The following MPRIP variants were observed in gnomAD, a reference collection of about 807,000 sequenced individuals.
MPRIP encodes myosin phosphatase Rho-interacting protein.
In MPRIP, 59 loss-of-function variants were observed where a neutral mutation model predicts 234.9. The ratio of observed to expected loss-of-function variants is 0.25; its 90% CI spans 0.20 to 0.31. The LOEUF (loss-of-function observed/expected upper bound fraction) is 0.31, where lower values mean the gene tolerates loss of function less well. Ranked by LOEUF, MPRIP falls within the 10% of genes least tolerant of loss-of-function variation. The pLI, the probability that MPRIP is intolerant of heterozygous loss-of-function variation, is 1.00. For synonymous variants in MPRIP, 1,144 were observed against 1,263.9 expected (o/e 0.91, Z 2.01); for missense variants, 2,436 against 3,071.0 (o/e 0.79, Z 4.89).
At chr17:17,154,263 C>T in intron 12 of MPRIP, 43 bp from the exon 13 acceptor site, 2 of 1,572,532 alleles carry the variant, frequency 1.3e-6, no homozygotes, top group East Asian at 2.2e-5. Context: ...CAGCAGGCAC[C>T]CTAGGGGACA....
At chr17:17,050,550 C>T (rs2088506853) in intron 1 of MPRIP, among the ~76,000 whole-genome samples, 1 of 152,196 alleles carries the variant, frequency 6.6e-6, no homozygotes, top group African/African-American at 2.4e-5. Context: ...GGTGAGTTTC[C>T]TCCGTCCCTC....
chr17:17,154,070 AGATACCG>A (rs5819601), intron 12 of MPRIP, among the ~76,000 whole-genome samples: 110,676 of 151,458 alleles, frequency 0.73, 40,849 homozygotes, highest in East Asian at 0.99. Flanking sequence ...TACTGAGAGA[AGATACCG>A]GATTTACCAT....
intron 19 of MPRIP, 123 bp downstream of exon 19, chr17:17,174,198 C>A (rs2046205848): frequency 1.6e-6 from 2 of 1,224,972 alleles, no homozygotes; most frequent in Non-Finnish European, 1.1e-6. Flanking sequence ...GCATGAAGGT[C>A]CCTGAACCAC....
At chr17:17,136,653 C>T (rs1378146676) in intron 6 of MPRIP, among the ~76,000 whole-genome samples, 1 of 152,236 alleles carries the variant, frequency 6.6e-6, no homozygotes, top group African/African-American at 2.4e-5. Flanking sequence ...CCCCTTCTAG[C>T]TCTTAAATCC....
At chr17:17,061,858 C>T (rs1007720240) in intron 1 of MPRIP, among the ~76,000 whole-genome samples, 1 of 152,124 alleles carries the variant, frequency 6.6e-6, no homozygotes, top group African/African-American at 2.4e-5. Flanking sequence ...TGGAGCACTC[C>T]CGTGAACACT....
At chr17:17,112,679 G>C (rs941096683) in intron 3 of MPRIP, among the ~76,000 whole-genome samples, 2 of 152,232 alleles carry the variant, frequency 1.3e-5, no homozygotes, top group Non-Finnish European at 2.9e-5. Context: ...TTTAAGGGGA[G>C]CCCAGCTCTG....
At chr17:17,103,472 G>A (rs1190153117) in intron 3 of MPRIP, among the ~76,000 whole-genome samples, 7 of 152,192 alleles carry the variant, frequency 4.6e-5, no homozygotes, top group Non-Finnish European at 1.0e-4. Flanking sequence ...CTCACCTTGT[G>A]CTTTGATCCT....
chr17:17,143,792 C>T lies in MPRIP; in HGVS notation c.1503+123C>T, dbSNP rs571127429. On this transcript the variant is annotated intron_variant, in intron 9 of 23. Coordinates refer to ENST00000651222, the MANE Select transcript of MPRIP (RefSeq NM_001364716.4). ...CCCTCTGTGCACAGGCCCTCGTGTC[C>T]GTGAGCACCCCCACCCACCGACCCA... is the stretch of plus-strand genomic sequence containing the variant. 3.6e-5 allele frequency: 18 copies of T among 506,908 alleles called. 1 individual carries two copies. Among genetic ancestry groups the T allele is most frequent in the South Asian group, 1.2e-4 (3 of 25,762 alleles). 31.4% of individuals were successfully genotyped at this position (506,908 alleles called of 1,614,324 possible).
chr17:17,148,127 C>T (rs1192404110), intron 11 of MPRIP, among the ~76,000 whole-genome samples: 1 of 152,146 alleles, frequency 6.6e-6, no homozygotes, highest in Non-Finnish European at 1.5e-5. Context: ...ATACTCTGAG[C>T]CAGTCTTTAC....
intron 3 of MPRIP, among the ~76,000 whole-genome samples, chr17:17,095,840 T>C (rs539104572): frequency 6.6e-6 from 1 of 152,282 alleles, no homozygotes; most frequent in South Asian, 2.1e-4. Context: ...TCTGCAGCAG[T>C]GCCAGCCTGC....
At chr17:17,153,827 C>A (rs1175049840) in intron 12 of MPRIP, among the ~76,000 whole-genome samples, 3 of 152,106 alleles carry the variant, frequency 2.0e-5, no homozygotes, top group Non-Finnish European at 4.4e-5. Context: ...TGTTCTTAAC[C>A]ACTCCCTGGG....
chr17:17,062,279 C>T (rs914720499), intron 1 of MPRIP, among the ~76,000 whole-genome samples: 4 of 152,284 alleles, frequency 2.6e-5, no homozygotes, highest in East Asian at 3.9e-4. Context: ...AGAAGTCCTG[C>T]GTGCTCGGTC....
intron 3 of MPRIP, among the ~76,000 whole-genome samples, chr17:17,103,168 A>T (rs1027029993): frequency 6.6e-6 from 1 of 152,220 alleles, no homozygotes; most frequent in Non-Finnish European, 1.5e-5. Flanking sequence ...GCAGCCACAG[A>T]TTAAGTCACT....
chr17:17,114,718 A>T (rs2090248753), intron 3 of MPRIP, among the ~76,000 whole-genome samples: 1 of 145,708 alleles, frequency 6.9e-6, no homozygotes, highest in South Asian at 2.4e-4. Context: ...CCGCCCACCC[A>T]CCACCAGTTT....
chr17:17,092,456 A>G (rs982893679), intron 3 of MPRIP, among the ~76,000 whole-genome samples: 3 of 152,114 alleles, frequency 2.0e-5, no homozygotes, highest in East Asian at 1.9e-4. Flanking sequence ...AGGTAGGTGG[A>G]CACTTCTAAT....
chr17:17,093,845 A>T (rs1386391568), intron 3 of MPRIP, among the ~76,000 whole-genome samples: 1 of 152,178 alleles, frequency 6.6e-6, no homozygotes, highest in Non-Finnish European at 1.5e-5. Context: ...TTTAGAAGAT[A>T]TTATCTATTG....
chr17:17,158,931 G>T lies in MPRIP; in HGVS notation c.2329G>T (p.Val777Phe), dbSNP rs531558875. ...AGAGAAGCAGGTGCCCATCGCCCCC[G>T]TCCACCTGTCTTCTGAAGATGGGGG... ...REEKQVPIAPVHLSSEDGGDR... is the reference protein window; with the variant it reads ...REEKQVPIAPFHLSSEDGGDR... Residue 777 changes from valine to phenylalanine, a missense_variant, in exon 14 of 24, where the codon GTC becomes TTC. Physicochemically the swap from Val to Phe is conservative, Grantham distance 50 (BLOSUM62 -1). This residue lies in a region of MPRIP where 1,998 missense variants were observed against 2,520.3 expected (regional missense o/e 0.79). Transcript: ENST00000651222. 6.2e-7 allele frequency: 1 copy of T among 1,612,668 alleles called. No individual in the cohort carries two copies. The highest frequency in any genetic ancestry group is 1.7e-5 in the Admixed American group (1 of 60,006).
chr17:17,162,038 A>G (rs1227016187), intron 15 of MPRIP, among the ~76,000 whole-genome samples: 2 of 152,244 alleles, frequency 1.3e-5, no homozygotes, highest in Non-Finnish European at 2.9e-5. Context: ...TAAAACAGAT[A>G]TACTCTTGTC....
At chr17:17,077,785 G>A in intron 2 of MPRIP, 2 of 459,886 alleles carry the variant, frequency 4.3e-6, no homozygotes, top group South Asian at 2.9e-5. Context: ...TTCTTATTAA[G>A]CCTCAATCAC....
Sources: allele counts gnomAD v4.1 joint callset (sites outside exome capture counted in the v4.1 genomes callset), GRCh38; gene constraint gnomAD v4.1.1; regional missense constraint gnomAD v4.1.1; transcripts MANE v1.5; gene names NCBI Gene and HGNC (gene_info 2026-07-23, HGNC 2026-07-21).